GSTCD: variants seen among roughly 807,000 people sequenced by gnomAD.
GSTCD encodes the protein glutathione S-transferase C-terminal domain containing, also known as glutathione S-transferase C-terminal domain-containing protein.
In GSTCD, 44 loss-of-function variants were observed where a neutral mutation model predicts 68.3. The observed-to-expected ratio is 0.64, with a 90% CI of 0.51 to 0.83. The LOEUF is 0.83. Among genes scored for constraint, GSTCD ranks in the 40% least tolerant of loss-of-function variants. The pLI, the probability that GSTCD is intolerant of heterozygous loss-of-function variation, is 0.00. For synonymous variants in GSTCD, 273 were observed against 255.2 expected (o/e 1.07, Z -0.67); for missense variants, 739 against 735.9 (o/e 1.00, Z -0.05).
intron 5 of GSTCD, among the ~76,000 whole-genome samples, chr4:105,755,907 C>T (rs750208153): frequency 2.0e-5 from 3 of 151,096 alleles, no homozygotes; most frequent in South Asian, 2.1e-4. Flanking sequence ...GTATAAACTA[C>T]AGTCATCTCT....
At chr4:105,786,500 G>A (rs1735472370) in intron 5 of GSTCD, among the ~76,000 whole-genome samples, 1 of 143,230 alleles carries the variant, frequency 7.0e-6, no homozygotes, top group African/African-American at 2.6e-5. Flanking sequence ...GGGCAACAGA[G>A]CAAGACTTGG....
chr4:105,741,392 A>G (rs1257076667), intron 5 of GSTCD, among the ~76,000 whole-genome samples: 1 of 152,180 alleles, frequency 6.6e-6, no homozygotes, highest in Non-Finnish European at 1.5e-5. Context: ...CAAAAATTTA[A>G]ATGTTTTTAT....
chr4:105,743,854 G>A (rs536216844), intron 5 of GSTCD, among the ~76,000 whole-genome samples: 1 of 151,842 alleles, frequency 6.6e-6, no homozygotes, highest in South Asian at 2.1e-4. Context: ...TAGAGATGGG[G>A]TTTCACCGTG....
At chr4:105,710,387 C>CTTT (rs70941210) in intron 1 of GSTCD, among the ~76,000 whole-genome samples, 2 of 123,676 alleles carry the variant, frequency 1.6e-5, no homozygotes, top group African/African-American at 6.0e-5. Flanking sequence ...CACTCGGCTC[C>CTTT]TTTTTTTTTT....
intron 5 of GSTCD, among the ~76,000 whole-genome samples, chr4:105,819,696 C>T (rs1275834510): frequency 1.3e-5 from 2 of 151,686 alleles, no homozygotes; most frequent in African/African-American, 4.8e-5. Flanking sequence ...GTCGTCTTCC[C>T]TCTCACCTGT....
intron 5 of GSTCD, among the ~76,000 whole-genome samples, chr4:105,806,121 A>T (rs1287703582): frequency 6.6e-6 from 1 of 152,108 alleles, no homozygotes; most frequent in African/African-American, 2.4e-5. Flanking sequence ...TTCAATAAAC[A>T]TATCTGAAAA....
rs143951716 is a variant in GSTCD, at chr4:105,762,616, A to G, written c.1240+33117A>G. 3.3e-3 allele frequency among the ~76,000 whole-genome samples: 508 copies of G among 152,322 alleles called. 3 individuals carry two copies. The highest frequency in any genetic ancestry group is 0.012 in the African/African-American group (482 of 41,590). On this transcript the variant is annotated intron_variant, in intron 5 of 11. Coordinates refer to ENST00000515279, the MANE Select transcript of GSTCD (RefSeq NM_001370181.1). Reference sequence around the variant, plus strand: ...TAGTGCAGTGTGAAATTGACATTTCAGAGCTCCAGGTTGCTATTTACAGTG... The same window carrying G: ...TAGTGCAGTGTGAAATTGACATTTCGGAGCTCCAGGTTGCTATTTACAGTG...
At position 105,719,084 on chromosome 4, in the gene GSTCD, GAACTC is replaced by G; in HGVS notation, c.453_457del (p.Glu151AspfsTer7). On this transcript the variant is annotated frameshift_variant, in exon 3 of 12. Coordinates refer to ENST00000515279, the MANE Select transcript of GSTCD (RefSeq NM_001370181.1). LOFTEE classifies it high-confidence loss of function. Reference sequence around the variant, plus strand: ...GGTTAGTCAGTGGACCAGGCTATGTGAACTCACCATCCCTTTGGCTATTGAGAATT... The same window carrying G: ...GGTTAGTCAGTGGACCAGGCTATGTGACCATCCCTTTGGCTATTGAGAATT... 6.2e-7 allele frequency: 1 copy of G among 1,613,694 alleles called. No homozygotes were observed. Among genetic ancestry groups the G allele is most frequent in the Non-Finnish European group, 8.5e-7 (1 of 1,179,822 alleles).
intron 5 of GSTCD, among the ~76,000 whole-genome samples, chr4:105,759,655 T>C (rs970897848): frequency 2.0e-5 from 3 of 151,988 alleles, no homozygotes; most frequent in Non-Finnish European, 4.4e-5. Context: ...TAGGGAAAAA[T>C]AGTATGGGAG....
intron 5 of GSTCD, among the ~76,000 whole-genome samples, chr4:105,759,850 A>C (rs1734334516): frequency 6.6e-6 from 1 of 152,206 alleles, no homozygotes. Context: ...AATATAATAC[A>C]ATGATACTCA....
chr4:105,730,732 A>C (rs930737584), intron 5 of GSTCD, among the ~76,000 whole-genome samples: 1 of 152,152 alleles, frequency 6.6e-6, no homozygotes, highest in African/African-American at 2.4e-5. Flanking sequence ...GCTGTGCAGA[A>C]GATCTTTAGT....
At chr4:105,758,683 A>T (rs1467879187) in intron 5 of GSTCD, among the ~76,000 whole-genome samples, 1 of 152,104 alleles carries the variant, frequency 6.6e-6, no homozygotes, top group East Asian at 1.9e-4. Context: ...ATGGCCTCAT[A>T]CACTCTGGAA....
chr4:105,719,019 TA>T, intron 2 of GSTCD, 40 bp from the exon 3 acceptor site: 3 of 1,442,534 alleles, frequency 2.1e-6, no homozygotes, highest in Non-Finnish European at 2.8e-6. Flanking sequence ...ATATTGAAAT[TA>T]AAAAATCTTT....
At chr4:105,756,814 G>C (rs2149232049) in intron 5 of GSTCD, among the ~76,000 whole-genome samples, 1 of 152,108 alleles carries the variant, frequency 6.6e-6, no homozygotes, top group African/African-American at 2.4e-5. Flanking sequence ...CAGAAAATTT[G>C]AGGTACCTCG....
At chr4:105,786,580 G>A (rs953956823) in intron 5 of GSTCD, among the ~76,000 whole-genome samples, 7 of 147,690 alleles carry the variant, frequency 4.7e-5, no homozygotes, top group Admixed American at 6.8e-5. Context: ...AGACTATTAT[G>A]GCAAATTATA....
intron 5 of GSTCD, among the ~76,000 whole-genome samples, chr4:105,809,602 C>G (rs1346979424): frequency 6.6e-6 from 1 of 152,040 alleles, no homozygotes; most frequent in East Asian, 1.9e-4. Flanking sequence ...CTATCTACCC[C>G]CACTGGAATG....
intron 5 of GSTCD, among the ~76,000 whole-genome samples, chr4:105,778,398 C>T (rs921297765): frequency 5.9e-5 from 9 of 152,024 alleles, no homozygotes; most frequent in Non-Finnish European, 1.3e-4. Context: ...GCAACATTTC[C>T]TTAATATTTT....
At chr4:105,767,582 C>A (rs181098621) in intron 5 of GSTCD, among the ~76,000 whole-genome samples, 2 of 152,216 alleles carry the variant, frequency 1.3e-5, no homozygotes, top group Non-Finnish European at 2.9e-5. Context: ...TTGTAAATAG[C>A]TTATTTACAT....
chr4:105,824,398 T>G (rs1018313480), intron 7 of GSTCD, among the ~76,000 whole-genome samples: 1 of 152,144 alleles, frequency 6.6e-6, no homozygotes, highest in Non-Finnish European at 1.5e-5. Flanking sequence ...TTTCTTCCCT[T>G]ATTAATATTT....
Sources: allele counts gnomAD v4.1 joint callset (sites outside exome capture counted in the v4.1 genomes callset), GRCh38; gene constraint gnomAD v4.1.1; transcripts MANE v1.5; gene names NCBI Gene and HGNC (gene_info 2026-07-23, HGNC 2026-07-21).